KCNAB2: variants seen among roughly 807,000 people sequenced by gnomAD.
The protein encoded by KCNAB2 is potassium voltage-gated channel subfamily A regulatory beta subunit 2.
A neutral mutation model predicts 63.6 loss-of-function variants in KCNAB2; 29 were observed. The observed-to-expected ratio is 0.46, with a 90% CI of 0.34 to 0.62. The LOEUF is 0.62. Among genes scored for constraint, KCNAB2 ranks in the 20% least tolerant of loss-of-function variants. The pLI, the probability that KCNAB2 is intolerant of heterozygous loss-of-function variation, is 0.01. For synonymous variants in KCNAB2, 222 were observed against 224.2 expected (o/e 0.99, Z 0.09); for missense variants, 359 against 563.9 (o/e 0.64, Z 3.68).
chr1:6,080,292 C>T (rs1420351077), intron 4 of KCNAB2, among the ~76,000 whole-genome samples: 1 of 152,154 alleles, frequency 6.6e-6, no homozygotes, highest in Non-Finnish European at 1.5e-5. Flanking sequence ...ACCCGTCTGT[C>T]CGTGCTGGAG....
In KCNAB2 at chr1:6,063,900, C is replaced by CGG. The variant is rs536986954; in HGVS notation, c.219-8850_219-8849dup. ...TTCAGTTATTTGAGGACATAGCTAG[C>CGG]GGGGGGATTGCCTGGTCATGTGGTG... On this transcript the variant is annotated intron_variant, in intron 2 of 15. Transcript: ENST00000378083. Among the ~76,000 whole-genome samples the CGG allele has an allele frequency of 3.0e-3, 451 of 152,212 alleles. 1 individual carries two copies. The highest frequency in any genetic ancestry group is 0.011 in the African/African-American group (436 of 41,510).
intron 6 of KCNAB2, 58 bp downstream of exon 6, chr1:6,085,306 G>A: frequency 2.0e-6 from 3 of 1,494,208 alleles, no homozygotes; most frequent in Non-Finnish European, 2.8e-6. Context: ...AACTATCCCA[G>A]GGTCAGCCTC....
intron 1 of KCNAB2, among the ~76,000 whole-genome samples, chr1:6,002,461 G>C (rs1657310026): frequency 6.6e-6 from 1 of 152,248 alleles, no homozygotes; most frequent in African/African-American, 2.4e-5. Flanking sequence ...CACGGCAGCT[G>C]TGGCCTGAGC....
intron 2 of KCNAB2, among the ~76,000 whole-genome samples, chr1:6,052,935 G>A (rs769421114): frequency 2.0e-5 from 3 of 152,130 alleles, no homozygotes; most frequent in Admixed American, 6.5e-5. Flanking sequence ...TCTGGCTTCC[G>A]TCTGAGACAG....
chr1:6,093,487 A>G (rs1159558327), intron 10 of KCNAB2, among the ~76,000 whole-genome samples: 1 of 152,272 alleles, frequency 6.6e-6, no homozygotes, highest in Non-Finnish European at 1.5e-5. Context: ...TATTGGGAAG[A>G]ATCCACTGTG....
chr1:6,053,725 T>C (rs1309645680), intron 2 of KCNAB2, among the ~76,000 whole-genome samples: 2 of 152,120 alleles, frequency 1.3e-5, no homozygotes, highest in Non-Finnish European at 2.9e-5. Context: ...GGATTTGTGA[T>C]GGAGGATAGT....
At chr1:6,054,795 A>T (rs1022138052) in intron 2 of KCNAB2, among the ~76,000 whole-genome samples, 15 of 152,242 alleles carry the variant, frequency 9.9e-5, no homozygotes, top group Non-Finnish European at 2.9e-5. Context: ...TTACACTTCT[A>T]TGCAAATGAA....
At position 6,069,407 on chromosome 1, in the gene KCNAB2, G is replaced by A. The variant is rs1459361264; in HGVS notation, c.219-3348G>A. Among the ~76,000 whole-genome samples, 4 of 152,172 alleles carry A rather than the reference G, an allele frequency of 2.6e-5. No homozygotes were observed. The highest frequency in any genetic ancestry group is 2.0e-4 in the Admixed American group (3 of 15,280). ...CAAGTCTGAAGTGCAGTTTTTAGGG[G>A]TGTGCAGCAGCCGGGGGCTCCACGA... On this transcript the variant is annotated intron_variant, in intron 2 of 15. Transcript: ENST00000378083. The surrounding 1 kb of genome is among the most constrained non-coding windows in gnomAD (Gnocchi z 5.4).
intron 3 of KCNAB2, 96 bp downstream of exon 3, chr1:6,072,894 C>A: frequency 8.0e-7 from 1 of 1,249,262 alleles, no homozygotes; most frequent in Non-Finnish European, 1.1e-6. Context: ...GCAGGGTGGC[C>A]CAAACCTTGG....
chr1:6,040,870 C>T (rs965217666), intron 2 of KCNAB2, among the ~76,000 whole-genome samples: 4 of 152,274 alleles, frequency 2.6e-5, no homozygotes, highest in African/African-American at 9.6e-5. Context: ...AAAACTTTTC[C>T]AGGGCGTTTG....
chr1:6,097,139 G>A (rs2100798495), intron 14 of KCNAB2, 130 bp from the exon 15 acceptor site: 2 of 1,068,292 alleles, frequency 1.9e-6, no homozygotes, highest in East Asian at 5.2e-5. Context: ...CAGCACTGCA[G>A]GGCTTCCTAG....
chr1:6,054,772 T>TGAAGTTAC (rs1420560245), intron 2 of KCNAB2, among the ~76,000 whole-genome samples: 58 of 152,298 alleles, frequency 3.8e-4, no homozygotes, highest in Non-Finnish European at 5.6e-4. Flanking sequence ...GAGGCTGAAA[T>TGAAGTTAC]GAAGTTACAA....
At chr1:6,015,504 C>T (rs922225245) in intron 1 of KCNAB2, among the ~76,000 whole-genome samples, 39 of 152,308 alleles carry the variant, frequency 2.6e-4, no homozygotes, top group Admixed American at 2.2e-3. Flanking sequence ...TGGACTGGCC[C>T]GAAATGCCTA....
chr1:6,047,700 G>A (rs185322808), intron 1 of KCNAB2, among the ~76,000 whole-genome samples: 7 of 152,158 alleles, frequency 4.6e-5, no homozygotes, highest in Admixed American at 6.5e-5. Flanking sequence ...CTCTGTGCAC[G>A]GGACACTCCC....
In KCNAB2 at chr1:6,077,102, C is replaced by T. The variant is rs180787914; in HGVS notation, c.300+3332C>T. ...TCAGGAGGCTGAGGCAGGAGAATTG[C>T]TTGAATCTGGGAGGCGGAGGTTGCA... On this transcript the variant is annotated intron_variant, in intron 4 of 15. Coordinates refer to ENST00000378083, the MANE Select transcript of KCNAB2 (RefSeq NM_001199862.2). 8.1e-4 allele frequency among the ~76,000 whole-genome samples: 123 copies of T among 152,146 alleles called. 1 individual carries two copies. Among genetic ancestry groups the T allele is most frequent in the Non-Finnish European group, 2.5e-4 (17 of 68,002 alleles).
At chr1:6,052,510 G>A (rs1661477559) in intron 2 of KCNAB2, among the ~76,000 whole-genome samples, 1 of 152,050 alleles carries the variant, frequency 6.6e-6, no homozygotes. Context: ...ATGTGTTTCT[G>A]GGTGTTGGAG....
chr1:6,058,434 C>T (rs1051406448), intron 2 of KCNAB2, among the ~76,000 whole-genome samples: 1 of 152,180 alleles, frequency 6.6e-6, no homozygotes. Flanking sequence ...CAGACAAGTC[C>T]CCTGGCCTCT....
chr1:6,090,607 G>T (rs536587725), intron 9 of KCNAB2, 132 bp downstream of exon 9: 3 of 668,834 alleles, frequency 4.5e-6, no homozygotes, highest in Non-Finnish European at 7.8e-6. Flanking sequence ...GCCGGGTCCA[G>T]GGTGGGGGGC....
In KCNAB2 at chr1:6,051,615, C is replaced by T. The variant is rs761654803; in HGVS notation, c.79C>T (p.Arg27Cys). The T allele has an allele frequency of 7.2e-5, 111 of 1,534,680 alleles. 1 individual carries two copies. The African/African-American group carries it at 8.8e-4, about 12-fold the overall frequency. The change falls in exon 2 of 16, where the codon CGC (arginine) becomes TGC (cysteine). Residue 27 changes from arginine to cysteine, a missense_variant. Arg to Cys is a radical substitution (Grantham distance 180, BLOSUM62 -3). Around this residue, in one of 2 missense-constraint regions of KCNAB2, gnomAD observed 88 missense variants for 87.8 expected, o/e 1.00. Transcript: ENST00000378083. ...CHSEWALHPV[R>C]QTDTLELQRL... Reference sequence around the variant, plus strand: ...CTCTGAATGGGCCCTGCACCCCGTCCGCCAGACGGACACGCTGGAACTGCA... The same window carrying T: ...CTCTGAATGGGCCCTGCACCCCGTCTGCCAGACGGACACGCTGGAACTGCA...
Sources: allele counts gnomAD v4.1 joint callset (sites outside exome capture counted in the v4.1 genomes callset), GRCh38; gene constraint gnomAD v4.1.1; regional missense constraint gnomAD v4.1.1; non-coding constraint Gnocchi (gnomAD v3.1); transcripts MANE v1.5; gene names NCBI Gene and HGNC (gene_info 2026-07-23, HGNC 2026-07-21).